SMURF1: variants seen among roughly 807,000 people sequenced by gnomAD.
The protein encoded by SMURF1 is E3 ubiquitin-protein ligase SMURF1.
Under a neutral mutation model 98.0 loss-of-function variants are expected in SMURF1, and 44 were observed. The observed-to-expected ratio is 0.45, with a 90% confidence interval of 0.35 to 0.58. The LOEUF (loss-of-function observed/expected upper bound fraction) is 0.58, where lower values mean the gene tolerates loss of function less well. Among genes scored for constraint, SMURF1 ranks in the 20% least tolerant of loss-of-function variants. The probability of loss-of-function intolerance (pLI) is 0.00; values close to 1 mark genes in which losing one functional copy is unlikely to be tolerated. For synonymous variants in SMURF1, 396 were observed against 374.9 expected, an observed-to-expected ratio of 1.06 and a Z score of -0.65; for missense variants, 687 against 938.4, an observed-to-expected ratio of 0.73 and a Z score of 3.50.
chr7:99,068,281 C>T (rs1796244147), intron 1 of SMURF1, among the ~76,000 whole-genome samples: 1 of 152,188 alleles, frequency 6.6e-6, no homozygotes, highest in African/African-American at 2.4e-5. Flanking sequence ...AGACATTTAG[C>T]CACTACATCA....
At chr7:99,078,290 A>C (rs891627926) in intron 1 of SMURF1, among the ~76,000 whole-genome samples, 1 of 151,994 alleles carries the variant, frequency 6.6e-6, no homozygotes, top group Non-Finnish European at 1.5e-5. Flanking sequence ...CGAAAAAAAA[A>C]AAAAAAAAGT....
At chr7:99,038,339 G>C (rs1795235487) in intron 14 of SMURF1, 49 bp downstream of exon 14, 1 of 1,601,026 alleles carries the variant, frequency 6.2e-7, no homozygotes, top group Non-Finnish European at 8.5e-7. Flanking sequence ...ACTAAATGCA[G>C]GCTCAGCCGC....
At chr7:99,117,976 G>A (rs184001353) in intron 1 of SMURF1, among the ~76,000 whole-genome samples, 238 of 152,114 alleles carry the variant, frequency 1.6e-3, no homozygotes, top group African/African-American at 5.2e-3. Context: ...TGGATAAATA[G>A]TGGACATTTC....
intron 6 of SMURF1, among the ~76,000 whole-genome samples, chr7:99,054,135 C>CA (rs1795826645): frequency 9.2e-5 from 14 of 151,996 alleles, no homozygotes; most frequent in Admixed American, 9.2e-4. Flanking sequence ...GACAAAGTCT[C>CA]GCTATGTTGC....
chr7:99,087,154 G>A (rs564649435), intron 1 of SMURF1, among the ~76,000 whole-genome samples: 1 of 152,112 alleles, frequency 6.6e-6, no homozygotes, highest in East Asian at 1.9e-4. Flanking sequence ...AGAATCACTT[G>A]AGCTCAGGAG....
chr7:99,060,378 CAAAAAAAAAA>C (rs11340949), intron 3 of SMURF1, among the ~76,000 whole-genome samples: 1 of 92,500 alleles, frequency 1.1e-5, no homozygotes, highest in Admixed American at 1.1e-4. Flanking sequence ...GACTCCGTCT[CAAAAAAAAAA>C]AAAAAAAAAG....
At chr7:99,055,793 C>A (rs959684220) in intron 5 of SMURF1, among the ~76,000 whole-genome samples, 1 of 152,120 alleles carries the variant, frequency 6.6e-6, no homozygotes, top group South Asian at 2.1e-4. Context: ...GGCAAAACCC[C>A]GTCTCCACTA....
rs1268604181 is a variant in SMURF1 at position 99,027,520 on chromosome 7, TTG to T, written c.*3062_*3063del. The stretch of plus-strand genomic sequence containing the variant: ...GCCTGCTGTACAATCACTGTTTGTT[TTG>T]TGTTTCCAGCTGGTTCCATAACCAC... On this transcript the variant is annotated 3_prime_UTR_variant, in exon 18 of 18. Transcript: ENST00000361368. 6.5e-6 allele frequency: 1 copy of T among 152,676 alleles called. No homozygotes were observed. Among genetic ancestry groups the T allele is most frequent in the Non-Finnish European group, 1.5e-5 (1 of 68,046 alleles). The allele number at this position is 152,676 out of a possible 1,614,324, so 9.5% of individuals were successfully genotyped here.
At chr7:99,088,871 C>G (rs1448733161) in intron 1 of SMURF1, among the ~76,000 whole-genome samples, 1 of 151,912 alleles carries the variant, frequency 6.6e-6, no homozygotes, top group African/African-American at 2.4e-5. Flanking sequence ...TTGAGATCAG[C>G]CTGGCCAACA....
intron 3 of SMURF1, among the ~76,000 whole-genome samples, 192 bp downstream of exon 3, chr7:99,060,407 A>AAGT (rs1424617471): frequency 1.3e-5 from 2 of 151,896 alleles, no homozygotes; most frequent in Non-Finnish European, 2.9e-5. Context: ...AGAAAAAAGA[A>AAGT]AGTAACAAAA....
chr7:99,052,070 G>T, intron 7 of SMURF1, 135 bp downstream of exon 7: 1 of 1,264,158 alleles, frequency 7.9e-7, no homozygotes, highest in Non-Finnish European at 1.1e-6. Context: ...GGGAGGTCAA[G>T]GCTGCCGTGA....
intron 17 of SMURF1, among the ~76,000 whole-genome samples, chr7:99,031,669 C>A (rs1396208935): frequency 6.6e-6 from 1 of 152,228 alleles, no homozygotes; most frequent in Non-Finnish European, 1.5e-5. Context: ...GGAGCAGGAC[C>A]TTGGCACCCA....
chr7:99,035,603 C>G lies in SMURF1; in HGVS notation c.1923G>C (p.Glu641Asp), dbSNP rs1365362063. ...TGGCCCTCCTTTCTTCATCGAACGT[C>G]TCCACCGCTTGCCAGAACCACCGCA... ...NIVRWFWQAV[E>D]TFDEERRARL... The change falls in exon 16 of 18, where the codon GAG becomes GAC. Residue 641 changes from glutamate (E) to aspartate (D), a missense_variant. Glu to Asp is a conservative substitution (Grantham distance 45). Around this residue, in one of 2 missense-constraint regions of SMURF1, gnomAD observed 272 missense variants for 430.0 expected, o/e 0.63. Transcript: ENST00000361368. 1 of 1,614,208 alleles carries G rather than the reference C, an allele frequency of 6.2e-7. No individual in the cohort carries two copies. The highest frequency in any genetic ancestry group is 1.1e-5 in the South Asian group (1 of 91,078).
chr7:99,040,243 T>A, intron 13 of SMURF1, 135 bp downstream of exon 13: 1 of 997,322 alleles, frequency 1.0e-6, no homozygotes, highest in Non-Finnish European at 1.4e-6. Context: ...CCTTTTTTTG[T>A]TTCAGGTTAT....
chr7:99,065,014 T>G (rs1045122416), intron 1 of SMURF1, among the ~76,000 whole-genome samples: 1 of 152,214 alleles, frequency 6.6e-6, no homozygotes, highest in Non-Finnish European at 1.5e-5. Flanking sequence ...TGAGGAAAAT[T>G]TTTACCTATT....
chr7:99,135,928 C>T (rs1797982169), intron 1 of SMURF1, among the ~76,000 whole-genome samples: 1 of 152,162 alleles, frequency 6.6e-6, no homozygotes, highest in Non-Finnish European at 1.5e-5. Flanking sequence ...CTTTGATCTG[C>T]CACTCTTCTA....
At chr7:99,032,111 C>T (rs975957533) in intron 17 of SMURF1, among the ~76,000 whole-genome samples, 1 of 152,210 alleles carries the variant, frequency 6.6e-6, no homozygotes, top group Non-Finnish European at 1.5e-5. Flanking sequence ...AAAAACTATA[C>T]AATTTTCCTT....
intron 1 of SMURF1, among the ~76,000 whole-genome samples, chr7:99,113,009 TAA>T (rs1797356898): frequency 1.3e-5 from 2 of 152,008 alleles, no homozygotes; most frequent in Admixed American, 1.3e-4. Context: ...TTTTTTTAAA[TAA>T]AGAGAGTCTA....
Position 99,052,242 on chromosome 7 carries a change from T to C in SMURF1, c.684A>G (p.Pro228=). The C allele has an allele frequency of 1.9e-6, 3 of 1,592,304 alleles. No individual in the cohort carries two copies. The highest frequency in any genetic ancestry group is 1.7e-6 in the Non-Finnish European group (2 of 1,166,734). The part of the protein sequence containing the change: ...RGSLQTPQNR[P]HGHQSPELPE... ...GCAGTTCCGGGGACTGGTGGCCGTG[T>C]GGTCGGTTCTGGGGCGTCTGTAGTG... is the stretch of plus-strand genomic sequence containing the variant. The change falls in exon 7 of 18, where the codon CCA becomes CCG. Residue 228 remains proline (P), a synonymous_variant. Transcript: ENST00000361368.
Sources: allele counts gnomAD v4.1 joint callset (sites outside exome capture counted in the v4.1 genomes callset), GRCh38; gene constraint gnomAD v4.1.1; regional missense constraint gnomAD v4.1.1; transcripts MANE v1.5; gene names NCBI Gene and HGNC (gene_info 2026-07-23, HGNC 2026-07-21).